The following DDX39A variants were observed in gnomAD, a reference collection of about 807,000 sequenced individuals.
The protein encoded by DDX39A is DExD-box helicase 39A.
In DDX39A, 13 loss-of-function variants were observed where a neutral mutation model predicts 46.3. The ratio of observed to expected loss-of-function variants is 0.28; its 90% CI spans 0.18 to 0.45. The LOEUF is 0.45. Among genes scored for constraint, DDX39A ranks in the 20% least tolerant of loss-of-function variants. The probability of loss-of-function intolerance (pLI) is 1.00; values close to 1 mark genes in which losing one functional copy is unlikely to be tolerated. For synonymous variants in DDX39A, 234 were observed against 224.6 expected (o/e 1.04, Z -0.38); for missense variants, 352 against 581.8 (o/e 0.61, Z 4.06).
chr19:14,418,370 C>A (rs1277497750), intron 1 of DDX39A, among the ~76,000 whole-genome samples: 1 of 152,148 alleles, frequency 6.6e-6, no homozygotes, highest in Non-Finnish European at 1.5e-5. Flanking sequence ...CCACGTGTAC[C>A]CAGTTACCCT....
chr19:14,410,982 G>GT lies in DDX39A; in HGVS notation c.613+6_613+7insA. ...CTCAGCTGGGGCTGCAAGGGCAGAG[G>GT]ACTCACCCAGCTGCTCCAGCATCTT... is the stretch of plus-strand genomic sequence containing the variant. On this transcript the variant is annotated splice_region_variant and intron_variant, in intron 5 of 10. Coordinates refer to ENST00000242776, the MANE Select transcript of DDX39A (RefSeq NM_005804.4). The surrounding 1 kb of genome is among the most constrained non-coding windows in gnomAD (Gnocchi z 4.3). The GT allele has an allele frequency of 6.4e-7, 1 of 1,560,154 alleles. No individual in the cohort carries two copies. The highest frequency in any genetic ancestry group is 8.7e-7 in the Non-Finnish European group (1 of 1,149,746).
chr19:14,418,291 A>C (rs1346533593), intron 1 of DDX39A, among the ~76,000 whole-genome samples: 1 of 152,068 alleles, frequency 6.6e-6, no homozygotes. Context: ...GTGGGTGGCC[A>C]TGACCGCTAA....
Position 14,408,877 on chromosome 19 carries a change from A to G in DDX39A, c.*59T>C. 2 of 1,532,994 alleles carry G rather than the reference A, an allele frequency of 1.3e-6. No homozygotes were observed. Among genetic ancestry groups the G allele is most frequent in the Non-Finnish European group, 1.8e-6 (2 of 1,140,710 alleles). The allele number at this position is 1,532,994 out of a possible 1,614,324, so 95.0% of individuals were successfully genotyped here. A position where few individuals can be genotyped will look rare whatever the true frequency, so the allele number is the denominator to read the frequency against. ...CTAGCTTCTCAACAGTGGCGCCTGG[A>G]AAGGGGAGGTGAAGCTGCATGCGGG... On this transcript the variant is annotated 3_prime_UTR_variant, in exon 11 of 11. Coordinates refer to ENST00000242776, the MANE Select transcript of DDX39A (RefSeq NM_005804.4).
chr19:14,409,533 C>A lies in DDX39A; in HGVS notation c.974+3G>T. Reference sequence around the variant, plus strand: ...GCAGCCTTGGCGGGCGGCTCGCACTCACCGCTCCTCCTGGGCCATGCCCCG... The same window carrying A: ...GCAGCCTTGGCGGGCGGCTCGCACTAACCGCTCCTCCTGGGCCATGCCCCG... On this transcript the variant is annotated splice_donor_region_variant and intron_variant, in intron 8 of 10. Coordinates refer to ENST00000242776, the MANE Select transcript of DDX39A (RefSeq NM_005804.4). This position sits in a 1 kb window ranked among gnomAD's most constrained non-coding sequence, Gnocchi z 8.3. 6.2e-7 allele frequency: 1 copy of A among 1,608,778 alleles called. No homozygotes were observed.
At position 14,411,265 on chromosome 19, in the gene DDX39A, G is replaced by A; in HGVS notation, c.430-93C>T. ...GCACCTGCGAACAGGAGGCCTCAGG[G>A]GACCAAGGCAGGCCTGAGAGCCTCC... is the stretch of plus-strand genomic sequence containing the variant. On this transcript the variant is annotated intron_variant, in intron 4 of 10. Transcript: ENST00000242776. This position sits in a 1 kb window ranked among gnomAD's most constrained non-coding sequence, Gnocchi z 4.1. 1 of 1,430,800 alleles carries A rather than the reference G, an allele frequency of 7.0e-7. No individual in the cohort carries two copies. The highest frequency in any genetic ancestry group is 1.4e-5 in the South Asian group (1 of 72,648). 88.6% of individuals were successfully genotyped at this position (1,430,800 alleles called of 1,614,324 possible). A position where few individuals can be genotyped will look rare whatever the true frequency, so the allele number is the denominator to read the frequency against.
Position 14,411,111 on chromosome 19 carries a change from C to G in DDX39A, c.491G>C (p.Cys164Ser). 1 of 1,611,128 alleles carries G rather than the reference C, an allele frequency of 6.2e-7. No homozygotes were observed. Among genetic ancestry groups the G allele is most frequent in the Non-Finnish European group, 8.5e-7 (1 of 1,178,920 alleles). The change falls in exon 5 of 11, where the codon TGT becomes TCT. Residue 164 changes from cysteine (C) to serine (S), a missense_variant. Transcript: ENST00000242776. The surrounding 1 kb of genome is among the most constrained non-coding windows in gnomAD (Gnocchi z 4.1). ...CGGGGTCCCCACCACGACATGGGGACAGTTCTTCTTCAACACTTCTTCATC... is the reference window on the plus strand; with the variant it reads ...CGGGGTCCCCACCACGACATGGGGAGAGTTCTTCTTCAACACTTCTTCATC... Reference protein sequence around the residue: ...KKDEEVLKKNCPHVVVGTPGR... With the variant: ...KKDEEVLKKNSPHVVVGTPGR...
Position 14,412,937 on chromosome 19 carries a change from G to C in DDX39A, c.208+76C>G. ...CCTCACCCACGGCAAACTGGAGGCG[G>C]CACCGCTCTGGGCGGGCAGGGCTGG... On this transcript the variant is annotated intron_variant, in intron 2 of 10. Transcript: ENST00000242776. The surrounding 1 kb of genome is among the most constrained non-coding windows in gnomAD (Gnocchi z 4.4). 6.6e-7 allele frequency: 1 copy of C among 1,503,962 alleles called. No homozygotes were observed. Among genetic ancestry groups the C allele is most frequent in the Non-Finnish European group, 9.0e-7 (1 of 1,105,672 alleles). The allele number at this position is 1,503,962 out of a possible 1,614,324, so 93.2% of individuals were successfully genotyped here. A position where few individuals can be genotyped will look rare whatever the true frequency, so the allele number is the denominator to read the frequency against.
chr19:14,415,177 T>G (rs1326410196), intron 1 of DDX39A, among the ~76,000 whole-genome samples: 1 of 152,168 alleles, frequency 6.6e-6, no homozygotes, highest in African/African-American at 2.4e-5. Context: ...TTTCTGTTTC[T>G]ATGGATTTGC....
chr19:14,409,321 C>G lies in DDX39A; in HGVS notation c.1101G>C (p.Ser367=), dbSNP rs151091447. ...IVFNYDMPED[S]DTYLHRVARA... The stretch of plus-strand genomic sequence containing the variant: ...TGCTCACCCGGTGCAGGTAGGTGTC[C>G]GAGTCCTCAGGCATGTCGTAGTTAA... Residue 367 remains serine (S), a synonymous_variant, in exon 9 of 11, where the codon TCG becomes TCC. Transcript: ENST00000242776. This position sits in a 1 kb window ranked among gnomAD's most constrained non-coding sequence, Gnocchi z 8.3. 1.9e-4 allele frequency: 308 copies of G among 1,614,172 alleles called. No homozygotes were observed. Among genetic ancestry groups the G allele is most frequent in the Admixed American group, 1.0e-3 (61 of 60,016 alleles).
At chr19:14,408,981 A>T in intron 10 of DDX39A, 29 bp from the exon 11 acceptor site, 1 of 1,610,886 alleles carries the variant, frequency 6.2e-7, no homozygotes, top group Admixed American at 1.7e-5. Context: ...AGTGAACTGA[A>T]GGGCCGGGGG....
At chr19:14,415,942 G>A (rs539933419) in intron 1 of DDX39A, 3 of 167,334 alleles carry the variant, frequency 1.8e-5, no homozygotes, top group South Asian at 9.7e-5. Flanking sequence ...GTGTGGTGGC[G>A]GGTACCTGTA....
At chr19:14,415,789 C>T (rs950564025) in intron 1 of DDX39A, among the ~76,000 whole-genome samples, 1 of 151,590 alleles carries the variant, frequency 6.6e-6, no homozygotes, top group Non-Finnish European at 1.5e-5. Context: ...AACTAAGTCA[C>T]GGCCAGGCGC....
Position 14,409,122 on chromosome 19 carries a change from A to G in DDX39A, c.1182T>C (p.Asn394=). The change falls in exon 10 of 11, where the codon AAT becomes AAC. Residue 394 remains asparagine, a synonymous_variant. Coordinates refer to ENST00000242776, the MANE Select transcript of DDX39A (RefSeq NM_005804.4). The surrounding 1 kb of genome is among the most constrained non-coding windows in gnomAD (Gnocchi z 8.3). ...GGACGTCATTGAGGATTTTGGCATC[A>G]TTCTCGTCAGACACAAAAGTGATGG... ...GLAITFVSDE[N]DAKILNDVQD... 6.2e-7 allele frequency: 1 copy of G among 1,614,212 alleles called. No individual in the cohort carries two copies. The highest frequency in any genetic ancestry group is 8.5e-7 in the Non-Finnish European group (1 of 1,180,038).
chr19:14,411,485 A>G lies in DDX39A; in HGVS notation c.429+21T>C, dbSNP rs1976587897. 1 of 1,607,838 alleles carries G rather than the reference A, an allele frequency of 6.2e-7. No individual in the cohort carries two copies. Among genetic ancestry groups the G allele is most frequent in the Non-Finnish European group, 8.5e-7 (1 of 1,174,468 alleles). Reference sequence around the variant, plus strand: ...GCAGAAACCAAGTGGCGCCTGGTCCAGTCTGGCCCGAGGGACTCACCTTGA... The same window carrying G: ...GCAGAAACCAAGTGGCGCCTGGTCCGGTCTGGCCCGAGGGACTCACCTTGA... On this transcript the variant is annotated intron_variant, in intron 4 of 10. Coordinates refer to ENST00000242776, the MANE Select transcript of DDX39A (RefSeq NM_005804.4). This position sits in a 1 kb window ranked among gnomAD's most constrained non-coding sequence, Gnocchi z 4.1.
upstream of DDX39A, chr19:14,419,354 G>A (rs1026743881): frequency 1.8e-4 from 40 of 216,990 alleles, no homozygotes; most frequent in African/African-American, 8.1e-4. Flanking sequence ...GAGTTGCTGC[G>A]CTTCCTGCCT....
Position 14,409,411 on chromosome 19 carries a change from C to T in DDX39A, c.1011G>A (p.Arg337=). 6.2e-7 allele frequency: 1 copy of T among 1,614,226 alleles called. No homozygotes were observed. Among genetic ancestry groups the T allele is most frequent in the African/African-American group, 1.3e-5 (1 of 75,068 alleles). The change falls in exon 9 of 11, where the codon CGG becomes CGA. Residue 337 remains arginine (R), a synonymous_variant. Transcript: ENST00000242776. This position sits in a 1 kb window ranked among gnomAD's most constrained non-coding sequence, Gnocchi z 8.3. ...SRYQQFKDFQ[R]RILVATNLFG... ...ACAGATTGGTGGCCACCAGGATCCG[C>T]CGCTGGAAATCCTTGAACTGCTGAT... is the stretch of plus-strand genomic sequence containing the variant.
At chr19:14,414,480 A>G (rs1351759087) in intron 1 of DDX39A, among the ~76,000 whole-genome samples, 1 of 149,756 alleles carries the variant, frequency 6.7e-6, no homozygotes, top group Non-Finnish European at 1.5e-5. Context: ...CCTCCTGAGT[A>G]TCTGGGATTA....
Position 14,412,355 on chromosome 19 carries a change from G to T in DDX39A, c.336+196C>A. On this transcript the variant is annotated intron_variant, in intron 3 of 10. Transcript: ENST00000242776. This position sits in a 1 kb window ranked among gnomAD's most constrained non-coding sequence, Gnocchi z 4.4. ...ATAACTAATTATTTTTTGAGATGGA[G>T]TCTACCTCTGCCACCCAGGCTGGAG... 1 of 583,860 alleles carries T rather than the reference G, an allele frequency of 1.7e-6. No homozygotes were observed. Among genetic ancestry groups the T allele is most frequent in the Non-Finnish European group, 2.8e-6 (1 of 354,582 alleles). 36.2% of individuals were successfully genotyped at this position (583,860 alleles called of 1,614,324 possible).
Position 14,410,239 on chromosome 19 carries a change from C to T in DDX39A, c.709G>A (p.Val237Met). The stretch of plus-strand genomic sequence containing the variant: ...ACATCCTGCATGAACTTCCTGCACA[C>T]AGGCCGGATGTCCTTGCTCAGGGTG... Reference protein sequence around the residue: ...SATLSKDIRPVCRKFMQDPME... With the variant: ...SATLSKDIRPMCRKFMQDPME... The change falls in exon 6 of 11, where the codon GTG (valine) becomes ATG (methionine). Residue 237 changes from valine to methionine, a missense_variant. Transcript: ENST00000242776. The surrounding 1 kb of genome is among the most constrained non-coding windows in gnomAD (Gnocchi z 4.3). 4 of 1,614,162 alleles carry T rather than the reference C, an allele frequency of 2.5e-6. No individual in the cohort carries two copies. The highest frequency in any genetic ancestry group is 3.4e-6 in the Non-Finnish European group (4 of 1,180,006).
Sources: allele counts gnomAD v4.1 joint callset (sites outside exome capture counted in the v4.1 genomes callset), GRCh38; gene constraint gnomAD v4.1.1; non-coding constraint Gnocchi (gnomAD v3.1); transcripts MANE v1.5; gene names NCBI Gene and HGNC (gene_info 2026-07-23, HGNC 2026-07-21).